Variants in RTTN observed in about 807,000 individuals in gnomAD.
The protein encoded by RTTN is rotatin.
A neutral mutation model predicts 269.2 loss-of-function variants in RTTN; 182 were observed. The observed-to-expected ratio is 0.68, with a 90% CI of 0.60 to 0.76. RTTN has a LOEUF of 0.76. Ranked by LOEUF, RTTN falls within the 30% of genes least tolerant of loss-of-function variation. The probability of loss-of-function intolerance (pLI) is 0.00; values close to 1 mark genes in which losing one functional copy is unlikely to be tolerated. For missense variants in RTTN, 2,545 were observed against 2,608.6 expected, an observed-to-expected ratio of 0.98 and a Z score of 0.53; for synonymous variants, 1,006 against 963.5, an observed-to-expected ratio of 1.04 and a Z score of -0.82.
In RTTN at chr18:70,088,138, T is replaced by C. The variant is rs1237165468; in HGVS notation, c.4153A>G (p.Thr1385Ala). Residue 1385 changes from threonine to alanine, a missense_variant, in exon 31 of 49, where the codon ACT becomes GCT. By Grantham distance (58) the Thr-to-Ala change is moderately conservative. Coordinates refer to ENST00000640769, the MANE Select transcript of RTTN (RefSeq NM_173630.4). Reference sequence around the variant, plus strand: ...AGTGCTGATCCTAATCCCAGTGAAGTGAATCTCACCTGTTCAAATTAAAGA... The same window carrying C: ...AGTGCTGATCCTAATCCCAGTGAAGCGAATCTCACCTGTTCAAATTAAAGA... Reference protein sequence around the residue: ...WVDRDPEVRFTSLGLGSALTT... With the variant: ...WVDRDPEVRFASLGLGSALTT... 1 of 1,612,270 alleles carries C rather than the reference T, an allele frequency of 6.2e-7. No homozygotes were observed. The highest frequency in any genetic ancestry group is 1.7e-5 in the Admixed American group (1 of 59,648).
intron 28 of RTTN, among the ~76,000 whole-genome samples, chr18:70,107,129 C>A (rs1415165299): frequency 6.6e-6 from 1 of 152,202 alleles, no homozygotes; most frequent in Non-Finnish European, 1.5e-5. Flanking sequence ...ATGTAGGACA[C>A]TCTGTTGCGG....
At chr18:70,051,058 C>A (rs1010984376) in intron 39 of RTTN, among the ~76,000 whole-genome samples, 1 of 152,132 alleles carries the variant, frequency 6.6e-6, no homozygotes, top group Non-Finnish European at 1.5e-5. Context: ...ACGTTCTGCA[C>A]ATGTATCCCA....
At chr18:70,076,733 T>A (rs977393170) in intron 32 of RTTN, among the ~76,000 whole-genome samples, 1 of 152,002 alleles carries the variant, frequency 6.6e-6, no homozygotes, top group East Asian at 1.9e-4. Context: ...CACATGGTGG[T>A]CACTGTCGTT....
In RTTN at chr18:70,149,937, A is replaced by T. The variant is rs761996037; in HGVS notation, c.2172+34T>A. Reference sequence around the variant, plus strand: ...AATCAATCACACCCAGCCAAAGATAAATGGTATCATAAAAAGTGAATTTCA... The same window carrying T: ...AATCAATCACACCCAGCCAAAGATATATGGTATCATAAAAAGTGAATTTCA... On this transcript the variant is annotated intron_variant, in intron 16 of 48. Coordinates refer to ENST00000640769, the MANE Select transcript of RTTN (RefSeq NM_173630.4). 2.9e-6 allele frequency: 4 copies of T among 1,370,788 alleles called. No individual in the cohort carries two copies. In the Admixed American group the frequency reaches 6.7e-5, roughly 23 times the overall value. 84.9% of individuals were successfully genotyped at this position (1,370,788 alleles called of 1,614,324 possible).
intron 23 of RTTN, chr18:70,130,418 T>TA (rs1392903412): frequency 1.3e-5 from 2 of 151,954 alleles, no homozygotes; most frequent in Non-Finnish European, 2.9e-5. Context: ...TAAAATGTGG[T>TA]ATAAATACAC....
At chr18:70,073,404 T>C (rs771254036) in intron 34 of RTTN, among the ~76,000 whole-genome samples, 4 of 152,184 alleles carry the variant, frequency 2.6e-5, no homozygotes, top group Non-Finnish European at 5.9e-5. Flanking sequence ...TGTTTAAAGC[T>C]GTCAGCACCA....
intron 46 of RTTN, among the ~76,000 whole-genome samples, chr18:70,012,449 T>C (rs2056413109): frequency 6.8e-6 from 1 of 146,084 alleles, no homozygotes. Context: ...CTGGTATTGG[T>C]TACAGGGCAG....
At chr18:70,106,828 C>G (rs554290878) in intron 28 of RTTN, among the ~76,000 whole-genome samples, 37 of 152,186 alleles carry the variant, frequency 2.4e-4, no homozygotes, top group Middle Eastern at 3.4e-3. Context: ...ACAATTTTAT[C>G]AGAAAATTCC....
intron 35 of RTTN, among the ~76,000 whole-genome samples, chr18:70,065,270 T>TA (rs61422284): frequency 0.062 from 8,185 of 132,902 alleles, 347 homozygotes; most frequent in East Asian, 0.11. Flanking sequence ...CTCTAGAATT[T>TA]AAAAAAAAAA....
At chr18:70,090,389 CAAT>C (rs2058812047) in intron 30 of RTTN, among the ~76,000 whole-genome samples, 1 of 148,924 alleles carries the variant, frequency 6.7e-6, no homozygotes, top group South Asian at 2.2e-4. Flanking sequence ...ACAATTACAA[CAAT>C]ATGTTATAAT....
At chr18:70,064,367 T>C (rs1599352016) in intron 35 of RTTN, among the ~76,000 whole-genome samples, 1 of 129,368 alleles carries the variant, frequency 7.7e-6, no homozygotes, top group Non-Finnish European at 1.7e-5. Context: ...AAAGCGTTAA[T>C]ACTTGAAAAT....
intron 4 of RTTN, among the ~76,000 whole-genome samples, chr18:70,201,573 A>C (rs1302507450): frequency 7.3e-4 from 87 of 118,622 alleles, no homozygotes; most frequent in Middle Eastern, 6.8e-3. Context: ...CCACCACTGC[A>C]CTCCAGCCTG....
chr18:70,117,518 A>G (rs940896120), intron 26 of RTTN, among the ~76,000 whole-genome samples: 1 of 152,054 alleles, frequency 6.6e-6, no homozygotes, highest in Non-Finnish European at 1.5e-5. Flanking sequence ...ATAATATATG[A>G]GATAAAGTAG....
chr18:70,140,970 T>C (rs1568450176), intron 19 of RTTN, among the ~76,000 whole-genome samples: 1 of 152,074 alleles, frequency 6.6e-6, no homozygotes, highest in Non-Finnish European at 1.5e-5. Context: ...TAACAATCTT[T>C]AGCTGCTACT....
intron 7 of RTTN, among the ~76,000 whole-genome samples, chr18:70,195,961 C>T (rs570895472): frequency 6.6e-6 from 1 of 152,258 alleles, no homozygotes; most frequent in South Asian, 2.1e-4. Flanking sequence ...ATGCAGGTTG[C>T]ATTAAGCTCA....
rs114502658 is a variant in RTTN, at chr18:70,113,785, C to T, written c.3683+660G>A. Among the ~76,000 whole-genome samples, 450 of 152,220 alleles carry T rather than the reference C, an allele frequency of 3.0e-3. 1 individual carries two copies. Among genetic ancestry groups the T allele is most frequent in the African/African-American group, 9.8e-3 (408 of 41,534 alleles). Reference sequence around the variant, plus strand: ...CATGATGCTAAGTGAAGAAGCTAGACGCTAAAGGTCACATTATTGTTTGAT... The same window carrying T: ...CATGATGCTAAGTGAAGAAGCTAGATGCTAAAGGTCACATTATTGTTTGAT... On this transcript the variant is annotated intron_variant, in intron 27 of 48. Coordinates refer to ENST00000640769, the MANE Select transcript of RTTN (RefSeq NM_173630.4).
chr18:70,056,883 C>T (rs1472703893), intron 37 of RTTN, among the ~76,000 whole-genome samples: 3 of 152,312 alleles, frequency 2.0e-5, no homozygotes, highest in South Asian at 4.1e-4. Context: ...TATCTATTCT[C>T]CCAACTTGAG....
In RTTN at chr18:70,030,001, C is replaced by T; in HGVS notation, c.5745+11G>A. 1 of 1,599,130 alleles carries T rather than the reference C, an allele frequency of 6.3e-7. No individual in the cohort carries two copies. The highest frequency in any genetic ancestry group is 8.6e-7 in the Non-Finnish European group (1 of 1,167,436). On this transcript the variant is annotated intron_variant, in intron 42 of 48. Transcript: ENST00000640769. ...TCTATATATAGCCATTCATTTATCC[C>T]AGAATGTTACCTTTTTTTTCAATGC... is the stretch of plus-strand genomic sequence containing the variant.
At chr18:70,025,375 T>G (rs2056824729) in intron 43 of RTTN, among the ~76,000 whole-genome samples, 1 of 151,994 alleles carries the variant, frequency 6.6e-6, no homozygotes, top group Non-Finnish European at 1.5e-5. Context: ...TAACTCAGAG[T>G]CTTTATTACA....
Sources: gnomAD v4.1 joint callset for allele counts (sites outside exome capture counted in the v4.1 genomes callset) on GRCh38, gnomAD v4.1.1 for gene constraint, MANE v1.5 for transcripts, NCBI Gene and HGNC (gene_info 2026-07-23, HGNC 2026-07-21) for gene names.